DPP10: variants seen among roughly 807,000 people sequenced by gnomAD.
DPP10 encodes the protein inactive dipeptidyl peptidase 10.
A neutral mutation model predicts 120.9 loss-of-function variants in DPP10; 33 were observed. The ratio of observed to expected loss-of-function variants is 0.27; its 90% confidence interval spans 0.21 to 0.37. The LOEUF (loss-of-function observed/expected upper bound fraction) is 0.37, where lower values mean the gene tolerates loss of function less well. Ranked by LOEUF, DPP10 falls within the 10% of genes least tolerant of loss-of-function variation. The pLI is 1.00. For synonymous variants in DPP10, 337 were observed against 326.1 expected, an observed-to-expected ratio of 1.03 and a Z score of -0.36; for missense variants, 816 against 942.8, an observed-to-expected ratio of 0.87 and a Z score of 1.76.
chr2:115,422,158 G>A (rs551295725), intron 3 of DPP10, among the ~76,000 whole-genome samples: 1 of 152,290 alleles, frequency 6.6e-6, no homozygotes, highest in Admixed American at 6.5e-5. Context: ...AATGAGTTCT[G>A]TTACTGTGAA....
chr2:115,401,921 C>G (rs2068100382), intron 3 of DPP10, among the ~76,000 whole-genome samples: 1 of 151,930 alleles, frequency 6.6e-6, no homozygotes. Context: ...AAAACATCTA[C>G]TATAAATATT....
chr2:115,490,340 G>A (rs547753708), intron 3 of DPP10, among the ~76,000 whole-genome samples: 7 of 152,254 alleles, frequency 4.6e-5, no homozygotes, highest in Admixed American at 2.6e-4. Flanking sequence ...AAAACCATCA[G>A]ACCTTGTGAG....
chr2:114,573,637 C>A (rs1255602408), intron 1 of DPP10, among the ~76,000 whole-genome samples: 1 of 152,122 alleles, frequency 6.6e-6, no homozygotes, highest in African/African-American at 2.4e-5. Flanking sequence ...GATCTTGGGC[C>A]AGCTCACCTA....
chr2:114,993,362 T>C (rs1285658990), intron 1 of DPP10, among the ~76,000 whole-genome samples: 2 of 12,420 alleles, frequency 1.6e-4, no homozygotes, highest in East Asian at 0.019. Flanking sequence ...GGGTGAATAA[T>C]ACTTTTTTTT....
At chr2:114,757,714 A>C (rs1206110111) in intron 1 of DPP10, among the ~76,000 whole-genome samples, 1 of 152,126 alleles carries the variant, frequency 6.6e-6, no homozygotes, top group East Asian at 1.9e-4. Flanking sequence ...ATTTGTTAGA[A>C]ATGCAAATTC....
At chr2:115,816,126 A>T (rs2150041260) in intron 21 of DPP10, among the ~76,000 whole-genome samples, 1 of 152,264 alleles carries the variant, frequency 6.6e-6, no homozygotes, top group South Asian at 2.1e-4. Flanking sequence ...AAGTAGAACA[A>T]CAACAGGACA....
intron 1 of DPP10, among the ~76,000 whole-genome samples, chr2:114,754,930 G>A (rs988992501): frequency 6.6e-6 from 1 of 151,986 alleles, no homozygotes. Flanking sequence ...CAAACAAAGG[G>A]GCTATATTTA....
At chr2:114,775,046 GAA>G (rs1157408341) in intron 1 of DPP10, among the ~76,000 whole-genome samples, 1 of 152,052 alleles carries the variant, frequency 6.6e-6, no homozygotes, top group Non-Finnish European at 1.5e-5. Flanking sequence ...GGCAGAGATG[GAA>G]TTTGACCTCA....
intron 2 of DPP10, among the ~76,000 whole-genome samples, chr2:115,318,956 A>T (rs2061929998): frequency 6.6e-6 from 1 of 152,156 alleles, no homozygotes; most frequent in Non-Finnish European, 1.5e-5. Context: ...AATGCTGGAT[A>T]ACAATGGTAA....
At chr2:114,983,626 A>AT (rs1179862092) in intron 1 of DPP10, among the ~76,000 whole-genome samples, 5 of 152,216 alleles carry the variant, frequency 3.3e-5, no homozygotes, top group Non-Finnish European at 7.3e-5. Context: ...TATAAAACTC[A>AT]GAGCTGTCAA....
At chr2:115,369,534 T>C (rs2106391161) in intron 3 of DPP10, among the ~76,000 whole-genome samples, 1 of 152,138 alleles carries the variant, frequency 6.6e-6, no homozygotes, top group African/African-American at 2.4e-5. Context: ...ATAACTGAAC[T>C]TAAGGGTGAG....
At chr2:115,801,145 C>T (rs1685186947) in intron 19 of DPP10, among the ~76,000 whole-genome samples, 1 of 151,636 alleles carries the variant, frequency 6.6e-6, no homozygotes, top group African/African-American at 2.4e-5. Flanking sequence ...TGAAGAGGTC[C>T]TTCACATCCC....
chr2:115,013,900 C>T (rs1453523434), intron 1 of DPP10, among the ~76,000 whole-genome samples: 2 of 152,054 alleles, frequency 1.3e-5, no homozygotes, highest in African/African-American at 2.4e-5. Flanking sequence ...TAGTGGGAGA[C>T]TTTAACAGCC....
At chr2:114,707,919 C>T (rs1380910791) in intron 1 of DPP10, among the ~76,000 whole-genome samples, 1 of 152,112 alleles carries the variant, frequency 6.6e-6, no homozygotes, top group African/African-American at 2.4e-5. Flanking sequence ...ACTCTAAAAC[C>T]TCACCAGTTT....
chr2:114,630,754 G>A (rs1694859694), intron 1 of DPP10, among the ~76,000 whole-genome samples: 1 of 152,184 alleles, frequency 6.6e-6, no homozygotes, highest in Non-Finnish European at 1.5e-5. Flanking sequence ...TTGAGAGAAT[G>A]TGGTGTAGAT....
intron 2 of DPP10, among the ~76,000 whole-genome samples, chr2:115,324,927 G>C (rs758014820): frequency 6.6e-6 from 1 of 152,152 alleles, no homozygotes; most frequent in African/African-American, 2.4e-5. Context: ...CCTGAAGAGA[G>C]AGAGAGAGAC....
intron 1 of DPP10, among the ~76,000 whole-genome samples, chr2:115,288,993 G>A (rs1181895623): frequency 6.6e-6 from 1 of 152,044 alleles, no homozygotes; most frequent in African/African-American, 2.4e-5. Context: ...TGGAAAAGAG[G>A]AAATTAAACT....
intron 1 of DPP10, among the ~76,000 whole-genome samples, chr2:114,906,310 G>C (rs962290257): frequency 2.0e-5 from 3 of 151,970 alleles, no homozygotes; most frequent in Non-Finnish European, 2.9e-5. Flanking sequence ...CTCAAACCTG[G>C]GAGGTGGAGG....
intron 1 of DPP10, among the ~76,000 whole-genome samples, chr2:114,723,609 C>A (rs536766432): frequency 5.9e-5 from 9 of 152,196 alleles, no homozygotes; most frequent in Middle Eastern, 3.4e-3. Flanking sequence ...TTGATAGTAG[C>A]CCTCATTGAG....
Sources: gnomAD v4.1 joint callset for allele counts (sites outside exome capture counted in the v4.1 genomes callset) on GRCh38, gnomAD v4.1.1 for gene constraint, MANE v1.5 for transcripts, NCBI Gene and HGNC (gene_info 2026-07-23, HGNC 2026-07-21) for gene names.